The following GLCE variants were observed in gnomAD, a reference collection of about 807,000 sequenced individuals.
GLCE encodes glucuronic acid epimerase.
GLCE carries 19 observed loss-of-function variants against 47.9 expected under a neutral mutation model. That is an observed-to-expected ratio of 0.40 (90% CI 0.28 to 0.58). The LOEUF (loss-of-function observed/expected upper bound fraction) is 0.58, where lower values mean the gene tolerates loss of function less well. Among genes scored for constraint, GLCE ranks in the 20% least tolerant of loss-of-function variants. The pLI is 0.48. For missense variants in GLCE, 556 were observed against 743.3 expected, an observed-to-expected ratio of 0.75 and a Z score of 2.93; for synonymous variants, 245 against 263.4, an observed-to-expected ratio of 0.93 and a Z score of 0.68.
chr15:69,226,840 G>T (rs542416504), intron 2 of GLCE, among the ~76,000 whole-genome samples: 2 of 139,838 alleles, frequency 1.4e-5, no homozygotes, highest in Admixed American at 1.6e-4. Context: ...CGCCTCCCAG[G>T]TTCAAGCGAT....
chr15:69,243,947 T>C (rs2052712249), intron 2 of GLCE, among the ~76,000 whole-genome samples: 4 of 152,116 alleles, frequency 2.6e-5, no homozygotes, highest in Admixed American at 2.6e-4. Context: ...GCCCAAAAAA[T>C]AGCTTTATCT....
At chr15:69,224,949 GGC>G (rs1319655433) in intron 2 of GLCE, among the ~76,000 whole-genome samples, 2 of 152,090 alleles carry the variant, frequency 1.3e-5, no homozygotes, top group African/African-American at 4.8e-5. Context: ...GATTTCTTAT[GGC>G]AGAAATTATG....
At chr15:69,162,316 TA>T (rs57157001) in intron 1 of GLCE, among the ~76,000 whole-genome samples, 18,420 of 146,946 alleles carry the variant, frequency 0.13, 1,174 homozygotes, top group East Asian at 0.16. Flanking sequence ...GTGTATTGGT[TA>T]AAAAAAAAAA....
At chr15:69,268,175 T>A in intron 4 of GLCE, 45 bp from the exon 5 acceptor site, 3 of 1,231,496 alleles carry the variant, frequency 2.4e-6, no homozygotes, top group Non-Finnish European at 2.3e-6. Context: ...AATACAAAAG[T>A]GCTTTTATTC....
intron 1 of GLCE, among the ~76,000 whole-genome samples, chr15:69,195,683 A>G (rs1435965546): frequency 1.3e-5 from 2 of 152,166 alleles, no homozygotes; most frequent in Non-Finnish European, 2.9e-5. Flanking sequence ...CTAATTTAAT[A>G]TAGCCCTGGT....
chr15:69,188,839 A>G (rs542966253), intron 1 of GLCE, among the ~76,000 whole-genome samples: 3 of 152,328 alleles, frequency 2.0e-5, no homozygotes, highest in African/African-American at 7.2e-5. Flanking sequence ...TTGATCTCAG[A>G]GAGCCAGCAT....
intron 1 of GLCE, among the ~76,000 whole-genome samples, chr15:69,166,318 T>C (rs1297932317): frequency 6.6e-6 from 1 of 152,240 alleles, no homozygotes; most frequent in Non-Finnish European, 1.5e-5. Context: ...GACTCTATGC[T>C]TTTTCTAATA....
chr15:69,166,657 C>T (rs920928810), intron 1 of GLCE, among the ~76,000 whole-genome samples: 5 of 152,164 alleles, frequency 3.3e-5, no homozygotes, highest in Admixed American at 6.5e-5. Flanking sequence ...CGGTGGCTTA[C>T]GCCTCTAATC....
At chr15:69,182,801 G>A (rs1169359564) in intron 1 of GLCE, among the ~76,000 whole-genome samples, 2 of 152,008 alleles carry the variant, frequency 1.3e-5, no homozygotes, top group African/African-American at 4.8e-5. Context: ...ATCACTTGAG[G>A]TCAGGAGATT....
intron 1 of GLCE, among the ~76,000 whole-genome samples, chr15:69,201,988 A>G (rs1297805598): frequency 6.6e-6 from 1 of 152,014 alleles, no homozygotes; most frequent in Non-Finnish European, 1.5e-5. Flanking sequence ...GTATGAGCAC[A>G]GGCTCACTGT....
rs189005321 is a variant in GLCE, at chr15:69,174,003, G to A, written c.-105+13246G>A. Among the ~76,000 whole-genome samples, 159 of 151,944 alleles carry A rather than the reference G, an allele frequency of 1.0e-3. 1 individual carries two copies. In the South Asian group the frequency reaches 0.016, roughly 15 times the overall value. ...CTCCCAGGTAGCTGGGACTACAGGC[G>A]CATGCCACCACACCCAGCTAATTTT... On this transcript the variant is annotated intron_variant, in intron 1 of 4. Coordinates refer to ENST00000261858, the MANE Select transcript of GLCE (RefSeq NM_015554.3).
At chr15:69,211,240 T>C (rs2052229508) in intron 2 of GLCE, among the ~76,000 whole-genome samples, 1 of 152,060 alleles carries the variant, frequency 6.6e-6, no homozygotes, top group Non-Finnish European at 1.5e-5. Flanking sequence ...GCTTAGATTT[T>C]CAAAAATAAA....
intron 2 of GLCE, among the ~76,000 whole-genome samples, chr15:69,240,283 CAAAAAAAAA>C (rs545688611): frequency 1.4e-3 from 26 of 18,412 alleles, no homozygotes; most frequent in African/African-American, 8.5e-3. Flanking sequence ...GACTCCGTCT[CAAAAAAAAA>C]AAAAAAAAAA....
chr15:69,198,386 A>G (rs1347852994), intron 1 of GLCE, among the ~76,000 whole-genome samples: 1 of 152,198 alleles, frequency 6.6e-6, no homozygotes, highest in African/African-American at 2.4e-5. Flanking sequence ...TGAGTCAGGA[A>G]TCCAGGAACA....
chr15:69,249,942 C>T (rs2052814443), intron 2 of GLCE, among the ~76,000 whole-genome samples: 1 of 152,120 alleles, frequency 6.6e-6, no homozygotes, highest in Non-Finnish European at 1.5e-5. Flanking sequence ...AGTTTTTCCA[C>T]AGTTTCTTTA....
At chr15:69,243,057 C>CAAAAAAAA (rs547412078) in intron 2 of GLCE, among the ~76,000 whole-genome samples, 3 of 42,136 alleles carry the variant, frequency 7.1e-5, no homozygotes, top group Admixed American at 2.6e-4. Flanking sequence ...AGATCCTGTC[C>CAAAAAAAA]AAAAAAAAAA....
intron 1 of GLCE, among the ~76,000 whole-genome samples, chr15:69,181,919 G>T (rs2051754525): frequency 6.6e-6 from 1 of 151,912 alleles, no homozygotes; most frequent in Admixed American, 6.6e-5. Flanking sequence ...AAGTAAAAAG[G>T]TTGGGTCTTG....
At chr15:69,250,823 A>C (rs1595782828) in intron 2 of GLCE, among the ~76,000 whole-genome samples, 1 of 148,092 alleles carries the variant, frequency 6.8e-6, no homozygotes, top group Non-Finnish European at 1.5e-5. Context: ...AAAAAAAAAA[A>C]CAGCGTGGTC....
chr15:69,179,260 C>A (rs2051716613), intron 1 of GLCE, among the ~76,000 whole-genome samples: 2 of 152,002 alleles, frequency 1.3e-5, no homozygotes, highest in South Asian at 4.1e-4. Context: ...GTATTTATTT[C>A]TTGTCAAGAG....
Sources: allele counts gnomAD v4.1 joint callset (sites outside exome capture counted in the v4.1 genomes callset), GRCh38; gene constraint gnomAD v4.1.1; transcripts MANE v1.5; gene names NCBI Gene and HGNC (gene_info 2026-07-23, HGNC 2026-07-21).